NRG2: variants seen among roughly 807,000 people sequenced by gnomAD.
NRG2 encodes pro-neuregulin-2, membrane-bound isoform.
NRG2 carries 27 observed loss-of-function variants against 73.9 expected under a neutral mutation model. That is an observed-to-expected ratio of 0.37 (90% CI 0.27 to 0.50). NRG2 has a LOEUF of 0.50. Ranked by LOEUF, NRG2 falls within the 20% of genes least tolerant of loss-of-function variation. The probability of loss-of-function intolerance (pLI) is 0.96; values close to 1 mark genes in which losing one functional copy is unlikely to be tolerated. For synonymous variants in NRG2, 532 were observed against 541.0 expected, an observed-to-expected ratio of 0.98 and a Z score of 0.23; for missense variants, 1,126 against 1,210.1, an observed-to-expected ratio of 0.93 and a Z score of 1.03.
In NRG2 at chr5:140,008,488, T is replaced by C. The variant is rs1759080860; in HGVS notation, c.700+33882A>G. On this transcript the variant is annotated intron_variant, in intron 1 of 9. Coordinates refer to ENST00000361474, the MANE Select transcript of NRG2 (RefSeq NM_004883.3). This position sits in a 1 kb window ranked among gnomAD's most constrained non-coding sequence, Gnocchi z 4.2. Reference sequence around the variant, plus strand: ...CCTATTATAGGCCCACTTCTGGGATTGCTTAGAGATCCCTTACTCCTTACT... The same window carrying C: ...CCTATTATAGGCCCACTTCTGGGATCGCTTAGAGATCCCTTACTCCTTACT... 6.6e-6 allele frequency among the ~76,000 whole-genome samples: 1 copy of C among 152,246 alleles called. No individual in the cohort carries two copies.
intron 1 of NRG2, among the ~76,000 whole-genome samples, chr5:139,990,077 T>C (rs975080886): frequency 1.6e-4 from 25 of 151,638 alleles, no homozygotes; most frequent in Middle Eastern, 3.4e-3. Context: ...CGTGAGCCAC[T>C]GTGCCTGGCC....
Position 140,043,098 on chromosome 5 carries a change from G to T in NRG2, c.-29C>A. On this transcript the variant is annotated 5_prime_UTR_variant, in exon 1 of 10. Transcript: ENST00000361474. The surrounding 1 kb of genome is among the most constrained non-coding windows in gnomAD (Gnocchi z 6.7). ...GCCAGGCCATTTGGGGGGCTCCGCC[G>T]CTCAGCCGCCGCCGCCTTGGGAGGG... 1 of 1,567,258 alleles carries T rather than the reference G, an allele frequency of 6.4e-7. No individual in the cohort carries two copies. The highest frequency in any genetic ancestry group is 8.6e-7 in the Non-Finnish European group (1 of 1,166,366).
In NRG2 at chr5:139,904,139, C is replaced by A. The variant is rs978841384; in HGVS notation, c.701-16628G>T. On this transcript the variant is annotated intron_variant, in intron 1 of 9. Coordinates refer to ENST00000361474, the MANE Select transcript of NRG2 (RefSeq NM_004883.3). This position sits in a 1 kb window ranked among gnomAD's most constrained non-coding sequence, Gnocchi z 6.0. The stretch of plus-strand genomic sequence containing the variant: ...CTCCTGGCACGCAGCCCCTTGCTCT[C>A]CCGGCCGCGACGACCCGCTCGCACG... Among the ~76,000 whole-genome samples the A allele has an allele frequency of 6.6e-6, 1 of 152,164 alleles. No homozygotes were observed. Among genetic ancestry groups the A allele is most frequent in the African/African-American group, 2.4e-5 (1 of 41,462 alleles).
At chr5:139,982,284 C>A (rs1317192059) in intron 1 of NRG2, among the ~76,000 whole-genome samples, 1 of 152,134 alleles carries the variant, frequency 6.6e-6, no homozygotes, top group Non-Finnish European at 1.5e-5. Context: ...CCAGCATGAT[C>A]CCGGGGCACT....
chr5:139,962,444 G>A (rs1176443083), intron 1 of NRG2, among the ~76,000 whole-genome samples: 1 of 152,216 alleles, frequency 6.6e-6, no homozygotes, highest in Non-Finnish European at 1.5e-5. Context: ...AGGGGGAATA[G>A]TACAAGGCAG....
chr5:139,985,599 C>T (rs182074816), intron 1 of NRG2, among the ~76,000 whole-genome samples: 178 of 152,270 alleles, frequency 1.2e-3, no homozygotes, highest in Admixed American at 5.1e-3. Flanking sequence ...TATAGACCTT[C>T]CCCATAAAAA....
At chr5:139,848,738 G>T in intron 9 of NRG2, 41 bp from the exon 10 acceptor site, 1 of 1,309,240 alleles carries the variant, frequency 7.6e-7, no homozygotes, top group Non-Finnish European at 9.8e-7. Context: ...GCCAGGCCGG[G>T]CCGGCGCGGG....
chr5:139,903,934 C>T (rs1329837007), intron 1 of NRG2, among the ~76,000 whole-genome samples: 3 of 152,210 alleles, frequency 2.0e-5, no homozygotes, highest in Admixed American at 6.5e-5. Context: ...CCGGAGCGCT[C>T]GGCGGCCAGG....
chr5:139,966,675 G>A (rs1213209072), intron 1 of NRG2, among the ~76,000 whole-genome samples: 1 of 152,116 alleles, frequency 6.6e-6, no homozygotes, highest in Non-Finnish European at 1.5e-5. Flanking sequence ...GGAGAAAAGG[G>A]AAGTTTGGCA....
intron 1 of NRG2, among the ~76,000 whole-genome samples, chr5:139,935,037 C>T (rs769149083): frequency 1.3e-4 from 20 of 151,920 alleles, no homozygotes; most frequent in African/African-American, 4.8e-4. Flanking sequence ...AGTGGTGGTG[C>T]GTGCCTGTAG....
chr5:140,042,594 G>C lies in NRG2; in HGVS notation c.476C>G (p.Ala159Gly), dbSNP rs1345837104. 6.2e-7 allele frequency: 1 copy of C among 1,612,240 alleles called. No individual in the cohort carries two copies. Among genetic ancestry groups the C allele is most frequent in the Non-Finnish European group, 8.5e-7 (1 of 1,179,638 alleles). Residue 159 changes from alanine (A) to glycine (G), a missense_variant, in exon 1 of 10, where the codon GCG becomes GGG. Transcript: ENST00000361474. ...CCACTTGTCCAGCACCTTTACCAAC[G>C]CCACCCGACCCGAGGCGGGCGGCTC... ...TREPPASGRV[A>G]LVKVLDKWPL...
At chr5:139,945,247 T>G (rs1360673548) in intron 1 of NRG2, among the ~76,000 whole-genome samples, 1 of 152,156 alleles carries the variant, frequency 6.6e-6, no homozygotes, top group Non-Finnish European at 1.5e-5. Flanking sequence ...ATGCAGCAGC[T>G]TTTTTAGTTT....
At chr5:139,993,846 A>T (rs1241869885) in intron 1 of NRG2, among the ~76,000 whole-genome samples, 1 of 152,234 alleles carries the variant, frequency 6.6e-6, no homozygotes, top group African/African-American at 2.4e-5. Flanking sequence ...AAAATACACA[A>T]AATGTGTGTG....
chr5:139,977,036 G>A (rs1248466536), intron 1 of NRG2, among the ~76,000 whole-genome samples: 4 of 152,136 alleles, frequency 2.6e-5, no homozygotes, highest in African/African-American at 9.7e-5. Flanking sequence ...TCAAATGAAT[G>A]GATCGCCCAG....
Position 139,916,906 on chromosome 5 carries a change from G to A in NRG2, c.701-29395C>T, listed in dbSNP as rs1053341472. On this transcript the variant is annotated intron_variant, in intron 1 of 9. Coordinates refer to ENST00000361474, the MANE Select transcript of NRG2 (RefSeq NM_004883.3). ...GGACATGTGCTTTCATTTATCTTGG[G>A]TATATATATTATCTGAAATCCCACT... Among the ~76,000 whole-genome samples, 16 of 152,190 alleles carry A rather than the reference G, an allele frequency of 1.1e-4. No individual in the cohort carries two copies. In the East Asian group the frequency reaches 2.1e-3, roughly 20 times the overall value.
chr5:139,986,759 G>A (rs897423405), intron 1 of NRG2, among the ~76,000 whole-genome samples: 2 of 152,190 alleles, frequency 1.3e-5, no homozygotes, highest in Non-Finnish European at 2.9e-5. Context: ...AGTGGAACTG[G>A]AGAATGGAAT....
At chr5:140,039,846 A>C (rs569796508) in intron 1 of NRG2, among the ~76,000 whole-genome samples, 2 of 152,342 alleles carry the variant, frequency 1.3e-5, no homozygotes, top group Admixed American at 1.3e-4. Context: ...TCCAAGTGCC[A>C]GTTTCCCTAT....
In NRG2 at chr5:139,919,641, A is replaced by G. The variant is rs548518403; in HGVS notation, c.701-32130T>C. Among the ~76,000 whole-genome samples the G allele has an allele frequency of 5.9e-5, 9 of 152,290 alleles. No homozygotes were observed. The East Asian group carries it at 1.5e-3, about 26-fold the overall frequency. On this transcript the variant is annotated intron_variant, in intron 1 of 9. Coordinates refer to ENST00000361474, the MANE Select transcript of NRG2 (RefSeq NM_004883.3). ...CAGTCTCTGTCTTGAGGAGCTCACA[A>G]TTGCCAGACTAATGACAAGAGATGG...
At chr5:139,872,332 C>T (rs866907900) in intron 3 of NRG2, among the ~76,000 whole-genome samples, 21 of 152,114 alleles carry the variant, frequency 1.4e-4, no homozygotes, top group African/African-American at 4.8e-4. Flanking sequence ...GGGAGCTGGG[C>T]CTTCAGGGGA....
Sources: allele counts gnomAD v4.1 joint callset (sites outside exome capture counted in the v4.1 genomes callset), GRCh38; gene constraint gnomAD v4.1.1; non-coding constraint Gnocchi (gnomAD v3.1); transcripts MANE v1.5; gene names NCBI Gene and HGNC (gene_info 2026-07-23, HGNC 2026-07-21).